Variants in EYS observed in about 807,000 individuals in gnomAD.
The protein encoded by EYS is protein eyes shut homolog.
A neutral mutation model predicts 282.1 loss-of-function variants in EYS; 250 were observed. The ratio of observed to expected loss-of-function variants is 0.89; its 90% CI spans 0.80 to 0.98. EYS has a LOEUF of 0.98. Among genes scored for constraint, EYS ranks in the 50% least tolerant of loss-of-function variants. EYS has a pLI of 0.00. For synonymous variants in EYS, 1,355 were observed against 1,282.9 expected (o/e 1.06, Z -1.20); for missense variants, 4,016 against 3,709.0 (o/e 1.08, Z -2.15).
intron 12 of EYS, among the ~76,000 whole-genome samples, chr6:65,291,701 A>C (rs2150283484): frequency 6.6e-6 from 1 of 151,728 alleles, no homozygotes; most frequent in East Asian, 1.9e-4. Context: ...CTTGAGACAG[A>C]TCAGCTCTGT....
intron 22 of EYS, among the ~76,000 whole-genome samples, chr6:64,797,484 C>A (rs567916485): frequency 5.0e-4 from 76 of 152,024 alleles, no homozygotes; most frequent in African/African-American, 1.8e-3. Flanking sequence ...GCATTGATGT[C>A]TTCCCAAAGC....
chr6:65,170,799 T>A (rs1395434223), intron 12 of EYS, among the ~76,000 whole-genome samples: 1 of 151,446 alleles, frequency 6.6e-6, no homozygotes, highest in African/African-American at 2.4e-5. Context: ...AGATGAAAAA[T>A]TAACAACAAA....
chr6:65,218,424 G>A (rs998795394), intron 12 of EYS, among the ~76,000 whole-genome samples: 27 of 152,034 alleles, frequency 1.8e-4, no homozygotes, highest in African/African-American at 6.5e-4. Flanking sequence ...GTAAGAATGT[G>A]TTTTTTGAAT....
chr6:64,968,418 T>G (rs1770174138), intron 14 of EYS, among the ~76,000 whole-genome samples: 1 of 152,208 alleles, frequency 6.6e-6, no homozygotes, highest in Non-Finnish European at 1.5e-5. Context: ...AATATATTTA[T>G]ATGAGTTTCT....
chr6:65,038,805 T>C (rs1583424037), intron 13 of EYS, among the ~76,000 whole-genome samples: 2 of 151,402 alleles, frequency 1.3e-5, no homozygotes, highest in African/African-American at 4.8e-5. Context: ...TTTTACATTT[T>C]TCTGATGATT....
At chr6:65,050,191 T>C (rs367995335) in intron 13 of EYS, among the ~76,000 whole-genome samples, 1 of 151,536 alleles carries the variant, frequency 6.6e-6, no homozygotes, top group Non-Finnish European at 1.5e-5. Flanking sequence ...TAGATAGAAA[T>C]ATTCACATCT....
At chr6:63,929,221 C>T (rs1764813933) in intron 35 of EYS, among the ~76,000 whole-genome samples, 1 of 152,198 alleles carries the variant, frequency 6.6e-6, no homozygotes, top group African/African-American at 2.4e-5. Flanking sequence ...AAGCTCCCCT[C>T]TACTAAACAA....
At chr6:64,723,717 C>T (rs1320649766) in intron 22 of EYS, among the ~76,000 whole-genome samples, 3 of 152,176 alleles carry the variant, frequency 2.0e-5, no homozygotes, top group Non-Finnish European at 2.9e-5. Context: ...GTGTGAGCAT[C>T]GCTGAAAGCC....
chr6:63,928,100 A>G (rs1224705254), intron 35 of EYS, among the ~76,000 whole-genome samples: 1 of 152,226 alleles, frequency 6.6e-6, no homozygotes, highest in Non-Finnish European at 1.5e-5. Context: ...GTATAATGGT[A>G]TAATAGAAGT....
chr6:63,743,557 C>T (rs11757713), intron 41 of EYS, among the ~76,000 whole-genome samples: 12,371 of 152,108 alleles, frequency 0.081, 568 homozygotes, highest in East Asian at 0.16. Context: ...TGCCTAGTAA[C>T]CAAGCATTCA....
At position 64,035,120 on chromosome 6, in the gene EYS, G is replaced by A. The variant is rs148047845; in HGVS notation, c.6725+31218C>T. On this transcript the variant is annotated intron_variant, in intron 33 of 42. Coordinates refer to ENST00000503581, the MANE Select transcript of EYS (RefSeq NM_001142800.2). ...GGCAGTACACATGACAGGCCCCACA[G>A]CAAAGACTTATCTGGTCCTTAGTGT... Among the ~76,000 whole-genome samples the A allele has an allele frequency of 6.2e-3, 937 of 152,310 alleles. 12 individuals carry two copies. The highest frequency in any genetic ancestry group is 0.021 in the African/African-American group (882 of 41,574).
chr6:64,682,509 C>T (rs1769936524), intron 22 of EYS, among the ~76,000 whole-genome samples: 1 of 152,130 alleles, frequency 6.6e-6, no homozygotes, highest in African/African-American at 2.4e-5. Context: ...ACTTCCTGGG[C>T]ATGTTCATTA....
intron 14 of EYS, among the ~76,000 whole-genome samples, chr6:64,987,556 G>T (rs920362564): frequency 2.0e-5 from 3 of 151,402 alleles, no homozygotes; most frequent in Middle Eastern, 3.2e-3. Flanking sequence ...TGAGTCCTGT[G>T]GGCAGCTGAA....
intron 13 of EYS, among the ~76,000 whole-genome samples, chr6:65,026,951 T>C (rs11758005): frequency 0.052 from 7,494 of 145,114 alleles, 277 homozygotes; most frequent in East Asian, 0.095. Flanking sequence ...TCTCTGACTC[T>C]AAACAGTCAA....
intron 12 of EYS, among the ~76,000 whole-genome samples, chr6:65,236,195 C>T (rs1766918899): frequency 6.6e-6 from 1 of 151,916 alleles, no homozygotes; most frequent in Admixed American, 6.6e-5. Flanking sequence ...CCGGAATTTC[C>T]ATTATGTTAC....
chr6:64,194,227 A>AAC (rs1343475491), intron 31 of EYS, among the ~76,000 whole-genome samples: 3 of 152,258 alleles, frequency 2.0e-5, no homozygotes, highest in East Asian at 3.9e-4. Flanking sequence ...CCACCAACCC[A>AAC]ACACACATAC....
At chr6:64,311,975 G>A (rs1769726304) in intron 29 of EYS, among the ~76,000 whole-genome samples, 1 of 109,146 alleles carries the variant, frequency 9.2e-6, no homozygotes, top group Non-Finnish European at 1.8e-5. Context: ...GCTAGCTGCA[G>A]AAGGTTTTTT....
chr6:63,942,487 C>G (rs888106338), intron 35 of EYS, among the ~76,000 whole-genome samples: 28 of 152,072 alleles, frequency 1.8e-4, no homozygotes, highest in African/African-American at 6.0e-4. Flanking sequence ...TGGAAGACAA[C>G]TTGGTGGAGA....
intron 13 of EYS, among the ~76,000 whole-genome samples, chr6:65,002,120 G>A (rs1349296813): frequency 6.8e-6 from 1 of 146,474 alleles, no homozygotes. Context: ...AATCATTATA[G>A]TAGGGCTGCC....
Sources: allele counts gnomAD v4.1 joint callset (sites outside exome capture counted in the v4.1 genomes callset), GRCh38; gene constraint gnomAD v4.1.1; transcripts MANE v1.5; gene names NCBI Gene and HGNC (gene_info 2026-07-23, HGNC 2026-07-21).